The following SMARCD3 variants were observed in gnomAD, a reference collection of about 807,000 sequenced individuals.
SMARCD3 encodes SWI/SNF related BAF chromatin remodeling complex subunit D3.
Under a neutral mutation model 58.0 loss-of-function variants are expected in SMARCD3, and 14 were observed. That is an observed-to-expected ratio of 0.24 (90% confidence interval 0.16 to 0.38). SMARCD3 has a LOEUF of 0.38. SMARCD3 is among the 10% of genes least tolerant of loss of function. The pLI is 1.00. For synonymous variants in SMARCD3, 253 were observed against 253.8 expected, an observed-to-expected ratio of 1.00 and a Z score of 0.03; for missense variants, 408 against 636.9, an observed-to-expected ratio of 0.64 and a Z score of 3.87.
At chr7:151,240,572 A>C in intron 8 of SMARCD3, 50 bp from the exon 9 acceptor site, 10 of 1,332,224 alleles carry the variant, frequency 7.5e-6, no homozygotes, top group South Asian at 1.2e-5. Flanking sequence ...TGAAGAGATC[A>C]TCATGCAGTT....
chr7:151,271,699 C>T (rs935466537), intron 2 of SMARCD3, among the ~76,000 whole-genome samples: 3 of 152,032 alleles, frequency 2.0e-5, no homozygotes, highest in African/African-American at 7.2e-5. Flanking sequence ...CTCATGCCTC[C>T]CAACACTTTG....
At chr7:151,275,398 TG>T in intron 1 of SMARCD3, 1 of 546,732 alleles carries the variant, frequency 1.8e-6, no homozygotes, top group Non-Finnish European at 3.3e-6. Context: ...GCAACCAGCA[TG>T]GGCCAGCTGG....
At chr7:151,248,739 C>CG, upstream of SMARCD3, 1 of 1,153,580 alleles carries the variant, frequency 8.7e-7, no homozygotes, top group South Asian at 4.2e-5. This position sits in a 1 kb window ranked among gnomAD's most constrained non-coding sequence, Gnocchi z 6.1. Context: ...CCACGGCCCA[C>CG]GCCGCCGCCG....
chr7:151,239,059 G>A lies in SMARCD3; in HGVS notation c.*44C>T, dbSNP rs767198213. 23 of 1,600,866 alleles carry A rather than the reference G, an allele frequency of 1.4e-5. No homozygotes were observed. Among genetic ancestry groups the A allele is most frequent in the East Asian group, 4.5e-5 (2 of 44,826 alleles). Reference sequence around the variant, plus strand: ...AGCCCGGGGCAAAATGCTGGGGCCCGGGACACGGCTGAAAGTTCCGTCGTG... The same window carrying A: ...AGCCCGGGGCAAAATGCTGGGGCCCAGGACACGGCTGAAAGTTCCGTCGTG... On this transcript the variant is annotated 3_prime_UTR_variant, in exon 13 of 13. Transcript: ENST00000262188. This position sits in a 1 kb window ranked among gnomAD's most constrained non-coding sequence, Gnocchi z 7.0.
chr7:151,242,217 G>A lies in SMARCD3; in HGVS notation c.595C>T (p.Arg199Trp), dbSNP rs778893769. The change falls in exon 6 of 13, where the codon CGG (arginine) becomes TGG (tryptophan). Residue 199 changes from arginine (R) to tryptophan (W), a missense_variant. Transcript: ENST00000262188. This position sits in a 1 kb window ranked among gnomAD's most constrained non-coding sequence, Gnocchi z 4.7. ...KLLDDPSKQK[R>W]KFSSFFKSLV... ...CTCTTGAAGAAAGAAGAGAACTTCC[G>A]CTTCTGTTTGCTGGGCTGTGGGAGA... The A allele has an allele frequency of 3.1e-6, 5 of 1,613,710 alleles. No homozygotes were observed. The highest frequency in any genetic ancestry group is 2.2e-5 in the South Asian group (2 of 91,078).
In SMARCD3 at chr7:151,242,031, G is replaced by A; in HGVS notation, c.676-53C>T. The A allele has an allele frequency of 6.4e-7, 1 of 1,554,846 alleles. No homozygotes were observed. Among genetic ancestry groups the A allele is most frequent in the South Asian group, 1.1e-5 (1 of 89,726 alleles). ...CCAAAGGCCCATCTGGAGTGGTGGG[G>A]CCCAGGACTCTAGGGTGGTCCCTGA... On this transcript the variant is annotated intron_variant, in intron 6 of 12. Coordinates refer to ENST00000262188, the MANE Select transcript of SMARCD3 (RefSeq NM_001003801.2). This position sits in a 1 kb window ranked among gnomAD's most constrained non-coding sequence, Gnocchi z 4.7.
Position 151,239,963 on chromosome 7 carries a change from G to C in SMARCD3, c.1173+149C>G. On this transcript the variant is annotated intron_variant, in intron 10 of 12. Transcript: ENST00000262188. This position sits in a 1 kb window ranked among gnomAD's most constrained non-coding sequence, Gnocchi z 7.0. The stretch of plus-strand genomic sequence containing the variant: ...CAAGCAGCATGGACGGGCCATGTGT[G>C]TCCCATTGGCCCAGAGTCTGGTCTC... The C allele has an allele frequency of 1.1e-6, 1 of 935,402 alleles. No individual in the cohort carries two copies. Among genetic ancestry groups the C allele is most frequent in the Non-Finnish European group, 1.6e-6 (1 of 637,884 alleles). 57.9% of individuals were successfully genotyped at this position (935,402 alleles called of 1,614,324 possible). A position where few individuals can be genotyped will look rare whatever the true frequency, so the allele number is the denominator to read the frequency against.
chr7:151,271,760 A>G lies in SMARCD3; in HGVS notation c.39+3354T>C, dbSNP rs114537846. Among the ~76,000 whole-genome samples, 1,281 of 152,174 alleles carry G rather than the reference A, an allele frequency of 8.4e-3. 12 individuals carry two copies. Among genetic ancestry groups the G allele is most frequent in the African/African-American group, 0.029 (1,219 of 41,520 alleles). On this transcript the variant is annotated intron_variant, in intron 2 of 13. Coordinates refer to the SMARCD3 transcript ENST00000356800. ...GAGCCCAGGAATTTGAGACCAGCCTAGGAAATATAGTGAGACCTCATCTCT... is the reference window on the plus strand; with the variant it reads ...GAGCCCAGGAATTTGAGACCAGCCTGGGAAATATAGTGAGACCTCATCTCT...
upstream of SMARCD3, among the ~76,000 whole-genome samples, chr7:151,252,080 A>T (rs1339433022): frequency 1.3e-5 from 2 of 151,676 alleles, no homozygotes; most frequent in Non-Finnish European, 2.9e-5. Flanking sequence ...CGGGGAAGAG[A>T]CTTAACTCCT....
intron 2 of SMARCD3, among the ~76,000 whole-genome samples, chr7:151,244,794 T>C (rs1321849517): frequency 6.6e-6 from 1 of 152,230 alleles, no homozygotes; most frequent in African/African-American, 2.4e-5. Context: ...TGTATTTGGC[T>C]AAATACTGAA....
At chr7:151,270,382 C>T (rs190237487) in intron 2 of SMARCD3, among the ~76,000 whole-genome samples, 8 of 152,258 alleles carry the variant, frequency 5.3e-5, no homozygotes, top group Admixed American at 1.3e-4. Context: ...TAGAATCAGC[C>T]GTAGAGCCAC....
Position 151,242,903 on chromosome 7 carries a change from T to C in SMARCD3, c.334-60A>G. On this transcript the variant is annotated intron_variant, in intron 3 of 12. Transcript: ENST00000262188. This position sits in a 1 kb window ranked among gnomAD's most constrained non-coding sequence, Gnocchi z 4.7. Reference sequence around the variant, plus strand: ...TCAAGTCCAGGGTTGTACCATGGAATGTATGCATGTTGTGCAATCCTAGGG... The same window carrying C: ...TCAAGTCCAGGGTTGTACCATGGAACGTATGCATGTTGTGCAATCCTAGGG... 1.6e-5 allele frequency: 26 copies of C among 1,593,342 alleles called. No individual in the cohort carries two copies. The highest frequency in any genetic ancestry group is 2.2e-5 in the Non-Finnish European group (26 of 1,170,046).
intron 2 of SMARCD3, among the ~76,000 whole-genome samples, chr7:151,266,232 A>G (rs1804074246): frequency 1.3e-5 from 2 of 151,910 alleles, no homozygotes; most frequent in Admixed American, 1.3e-4. Flanking sequence ...AGCCTCCCAA[A>G]GTGCTGGGAT....
chr7:151,269,302 G>A (rs6977603), intron 2 of SMARCD3, among the ~76,000 whole-genome samples: 90,204 of 151,932 alleles, frequency 0.59, 27,760 homozygotes, highest in African/African-American at 0.72. Flanking sequence ...AGGCCCCCAC[G>A]GGGGACACCT....
At chr7:151,266,993 C>T (rs1804101838) in intron 2 of SMARCD3, among the ~76,000 whole-genome samples, 1 of 152,284 alleles carries the variant, frequency 6.6e-6, no homozygotes, top group South Asian at 2.1e-4. Flanking sequence ...GATTACAGGC[C>T]CAGCCACTGC....
Position 151,243,836 on chromosome 7 carries a change from G to A in SMARCD3, c.291-135C>T. 2.7e-6 allele frequency: 2 copies of A among 750,760 alleles called. No homozygotes were observed. Among genetic ancestry groups the A allele is most frequent in the East Asian group, 4.9e-5 (2 of 41,104 alleles). The allele number at this position is 750,760 out of a possible 1,614,324, so 46.5% of individuals were successfully genotyped here. Reference sequence around the variant, plus strand: ...ACAGCCCACTTGTCTGCCCGCCCAAGGGCTGTGACGGTGGTGTGTGGAACC... The same window carrying A: ...ACAGCCCACTTGTCTGCCCGCCCAAAGGCTGTGACGGTGGTGTGTGGAACC... On this transcript the variant is annotated intron_variant, in intron 2 of 12. Transcript: ENST00000262188. This position sits in a 1 kb window ranked among gnomAD's most constrained non-coding sequence, Gnocchi z 4.4.
At chr7:151,261,654 G>A (rs1803921615) in intron 2 of SMARCD3, among the ~76,000 whole-genome samples, 1 of 152,204 alleles carries the variant, frequency 6.6e-6, no homozygotes, top group Admixed American at 6.5e-5. Context: ...CTCACAGCCT[G>A]GATTCCCTGT....
intron 2 of SMARCD3, among the ~76,000 whole-genome samples, chr7:151,256,588 T>C (rs1022662809): frequency 5.3e-5 from 8 of 152,092 alleles, no homozygotes; most frequent in African/African-American, 1.4e-4. Context: ...CCCGGTCTCA[T>C]TGTGGATTCG....
chr7:151,239,283 C>T lies in SMARCD3; in HGVS notation c.1398+113G>A. 7.6e-7 allele frequency: 1 copy of T among 1,318,098 alleles called. No homozygotes were observed. The highest frequency in any genetic ancestry group is 1.1e-6 in the Non-Finnish European group (1 of 912,808). The allele number at this position is 1,318,098 out of a possible 1,614,324, so 81.7% of individuals were successfully genotyped here. ...CAGGGAGGGCCATTGCATGGTGAGG[C>T]AGCGTGGTGAAGCTTTACTGTGGGG... On this transcript the variant is annotated intron_variant, in intron 12 of 12. Transcript: ENST00000262188. The surrounding 1 kb of genome is among the most constrained non-coding windows in gnomAD (Gnocchi z 7.0).
Sources: allele counts gnomAD v4.1 joint callset (sites outside exome capture counted in the v4.1 genomes callset), GRCh38; gene constraint gnomAD v4.1.1; non-coding constraint Gnocchi (gnomAD v3.1); transcripts MANE v1.5; gene names NCBI Gene and HGNC (gene_info 2026-07-23, HGNC 2026-07-21).